The following TMIGD3 variants were observed in gnomAD, a reference collection of about 807,000 sequenced individuals.
TMIGD3 encodes AD026 protein (AD026).
A neutral mutation model predicts 28.1 loss-of-function variants in TMIGD3; 21 were observed. That is an observed-to-expected ratio of 0.75 (90% confidence interval 0.53 to 1.08). TMIGD3 has a LOEUF of 1.08. Among genes scored for constraint, TMIGD3 ranks in the 50% least tolerant of loss-of-function variants. The pLI, the probability that TMIGD3 is intolerant of heterozygous loss-of-function variation, is 0.00. For synonymous variants in TMIGD3, 151 were observed against 162.1 expected (o/e 0.93, Z 0.52); for missense variants, 416 against 435.6 (o/e 0.96, Z 0.40).
At chr1:111,522,373 CAT>C (rs1656096792) in intron 1 of TMIGD3, among the ~76,000 whole-genome samples, 1 of 152,232 alleles carries the variant, frequency 6.6e-6, no homozygotes, top group Admixed American at 6.5e-5. Flanking sequence ...TTCAACAACA[CAT>C]AATCTTACAA....
chr1:111,526,937 C>CTTTTTTCA (rs2101009505), intron 1 of TMIGD3, among the ~76,000 whole-genome samples: 1 of 149,372 alleles, frequency 6.7e-6, no homozygotes, highest in East Asian at 2.0e-4. Flanking sequence ...TATTTGGAAT[C>CTTTTTTCA]ATACAGTATG....
intron 1 of TMIGD3, among the ~76,000 whole-genome samples, chr1:111,532,393 G>A (rs1365480604): frequency 6.6e-6 from 1 of 152,172 alleles, no homozygotes; most frequent in Non-Finnish European, 1.5e-5. Context: ...TCCAGGCCCA[G>A]GAAAAACTAA....
rs1571392987 is a variant in TMIGD3, at chr1:111,483,510, A to C, written c.*177T>G. ...GGGCAGCCTTGCTTGGGTGTGGTCTATCATAGCTCCTCTGACTACCGCCGT... is the reference window on the plus strand; with the variant it reads ...GGGCAGCCTTGCTTGGGTGTGGTCTCTCATAGCTCCTCTGACTACCGCCGT... On this transcript the variant is annotated 3_prime_UTR_variant, in exon 6 of 6. Coordinates refer to ENST00000369716, the MANE Select transcript of TMIGD3 (RefSeq NM_020683.7). 1.6e-6 allele frequency: 1 copy of C among 641,990 alleles called. No homozygotes were observed. The highest frequency in any genetic ancestry group is 2.8e-6 in the Non-Finnish European group (1 of 354,998). 39.8% of individuals were successfully genotyped at this position (641,990 alleles called of 1,614,324 possible).
intron 1 of TMIGD3, among the ~76,000 whole-genome samples, chr1:111,495,045 G>A (rs1253351094): frequency 6.6e-6 from 1 of 152,128 alleles, no homozygotes; most frequent in East Asian, 1.9e-4. Context: ...AAAAACCCTG[G>A]AAGGCAAACT....
upstream of TMIGD3, among the ~76,000 whole-genome samples, chr1:111,506,948 CACACACATATATATAT>C (rs1303112799): frequency 5.7e-4 from 52 of 91,656 alleles, no homozygotes; most frequent in Admixed American, 6.0e-4. Flanking sequence ...CATATATATA[CACACACATATATATAT>C]ACACACACAC....
intron 1 of TMIGD3, chr1:111,542,295 C>A: frequency 1.8e-6 from 1 of 548,308 alleles, no homozygotes; most frequent in Non-Finnish European, 3.5e-6. Flanking sequence ...GGTTCGAACA[C>A]ACGCGACAAG....
intron 1 of TMIGD3, among the ~76,000 whole-genome samples, chr1:111,525,724 C>T (rs541175396): frequency 7.2e-5 from 11 of 152,066 alleles, no homozygotes; most frequent in Non-Finnish European, 1.3e-4. Context: ...ATTAGCTGGG[C>T]ATGGTGGTGC....
At position 111,536,683 on chromosome 1, in the gene TMIGD3, C is replaced by T. The variant is rs191780499; in HGVS notation, c.107+27163G>A. Among the ~76,000 whole-genome samples the T allele has an allele frequency of 4.6e-5, 7 of 152,142 alleles. No homozygotes were observed. In the East Asian group the frequency reaches 1.2e-3, roughly 25 times the overall value. On this transcript the variant is annotated intron_variant, in intron 1 of 5. Coordinates refer to the TMIGD3 transcript ENST00000369717. ...TCAAATCCTTAGAGTCATAGCCATG[C>T]TTCATGTTCACCCCTTTTTTTGATA...
chr1:111,527,889 T>A (rs559278419), intron 1 of TMIGD3, among the ~76,000 whole-genome samples: 1 of 148,592 alleles, frequency 6.7e-6, no homozygotes, highest in East Asian at 2.3e-4. Flanking sequence ...CTTTGTATAT[T>A]TTGGATAACA....
At chr1:111,543,233 G>C (rs1656908996) in intron 1 of TMIGD3, among the ~76,000 whole-genome samples, 1 of 152,134 alleles carries the variant, frequency 6.6e-6, no homozygotes, top group Admixed American at 6.5e-5. Context: ...CAGTGATTCT[G>C]TGTGAACTCT....
intron 1 of TMIGD3, among the ~76,000 whole-genome samples, chr1:111,559,646 T>A (rs1405871461): frequency 6.6e-6 from 1 of 152,212 alleles, no homozygotes; most frequent in Non-Finnish European, 1.5e-5. Context: ...GTATAAGCAT[T>A]ATGCAAATAT....
Position 111,490,697 on chromosome 1 carries a change from A to T in TMIGD3, c.416T>A (p.Val139Asp). 3.7e-6 allele frequency: 6 copies of T among 1,614,080 alleles called. No individual in the cohort carries two copies. The highest frequency in any genetic ancestry group is 5.1e-6 in the Non-Finnish European group (6 of 1,179,994). ...GGAGAGTAGAATGAAGAGCCACATGACTGGAAGGAAGCAAACTTTCAACTG... is the reference window on the plus strand; with the variant it reads ...GGAGAGTAGAATGAAGAGCCACATGTCTGGAAGGAAGCAAACTTTCAACTG... Reference protein sequence around the residue: ...SFQLKVCFLPVMWLFILLSLA... With the variant: ...SFQLKVCFLPDMWLFILLSLA... The change falls in exon 2 of 6, where the codon GTC (valine) becomes GAC (aspartate). Residue 139 changes from valine (V) to aspartate (D), a missense_variant. Val to Asp is a radical substitution (Grantham distance 152). Transcript: ENST00000369716.
chr1:111,502,173 TAA>T (rs72278275), intron 1 of TMIGD3, among the ~76,000 whole-genome samples: 37,639 of 81,970 alleles, frequency 0.46, 12,025 homozygotes, highest in Admixed American at 0.56. Context: ...TTTATTATAA[TAA>T]ATATATAGGA....
rs1168080021 is a variant in TMIGD3, at chr1:111,562,929, T to C, written c.107+917A>G. ...ATTGCCAAAAAGATACATTGATTAG[T>C]CTCTTACTATGTACCAGGTACTGGG... On this transcript the variant is annotated intron_variant, in intron 1 of 5. Coordinates refer to the TMIGD3 transcript ENST00000369717. 2.6e-5 allele frequency among the ~76,000 whole-genome samples: 4 copies of C among 152,374 alleles called. No individual in the cohort carries two copies. The East Asian group carries it at 7.7e-4, about 29-fold the overall frequency.
Position 111,511,674 on chromosome 1 carries a change from T to TACACACAC in TMIGD3, c.108-20920_108-20913dup, listed in dbSNP as rs72064023. ...GTGATCTATCTCAAATGGTGCCCTT[T>TACACACAC]ACACACACACACACACACACACACG... On this transcript the variant is annotated intron_variant, in intron 1 of 5. Transcript: ENST00000369717. Among the ~76,000 whole-genome samples the TACACACAC allele has an allele frequency of 6.6e-3, 981 of 148,788 alleles. 3 individuals are homozygous for TACACACAC. The highest frequency in any genetic ancestry group is 0.015 in the African/African-American group (608 of 40,150).
intron 1 of TMIGD3, among the ~76,000 whole-genome samples, chr1:111,535,958 G>A (rs1246627292): frequency 2.0e-5 from 3 of 152,174 alleles, no homozygotes; most frequent in African/African-American, 7.2e-5. Flanking sequence ...TCAGTGCACA[G>A]ACCAGCAGCC....
intron 1 of TMIGD3, among the ~76,000 whole-genome samples, chr1:111,550,007 T>G (rs1451931743): frequency 6.6e-6 from 1 of 152,198 alleles, no homozygotes; most frequent in Non-Finnish European, 1.5e-5. Flanking sequence ...TTTGTTTACT[T>G]TTTATACATC....
At chr1:111,553,019 G>A (rs537144588) in intron 1 of TMIGD3, among the ~76,000 whole-genome samples, 1 of 152,336 alleles carries the variant, frequency 6.6e-6, no homozygotes, top group South Asian at 2.1e-4. Flanking sequence ...CTCCACTTTT[G>A]TGGAACTTAC....
chr1:111,493,993 TA>T (rs113014014), intron 1 of TMIGD3, among the ~76,000 whole-genome samples: 20,382 of 152,168 alleles, frequency 0.13, 1,537 homozygotes, highest in Middle Eastern at 0.2. Flanking sequence ...TGCATTTGGT[TA>T]AAAGAAACTG....
Sources: gnomAD v4.1 joint callset for allele counts (sites outside exome capture counted in the v4.1 genomes callset) on GRCh38, gnomAD v4.1.1 for gene constraint, MANE v1.5 for transcripts, NCBI Gene and HGNC (gene_info 2026-07-23, HGNC 2026-07-21) for gene names.